IQGAP2: variants seen among roughly 807,000 people sequenced by gnomAD.
The protein encoded by IQGAP2 is IQ motif containing GTPase activating protein 2, also known as ras GTPase-activating-like protein IQGAP2.
In IQGAP2, 173 loss-of-function variants were observed where a neutral mutation model predicts 201.3. The ratio of observed to expected loss-of-function variants is 0.86; its 90% CI spans 0.76 to 0.98. IQGAP2 has a LOEUF of 0.98. Ranked by LOEUF, IQGAP2 falls within the 50% of genes least tolerant of loss-of-function variation. The pLI, the probability that IQGAP2 is intolerant of heterozygous loss-of-function variation, is 0.00. For missense variants in IQGAP2, 1,687 were observed against 1,864.8 expected (o/e 0.90, Z 1.76); for synonymous variants, 675 against 673.9 (o/e 1.00, Z -0.03).
At chr5:76,695,725 C>CTGCT in intron 32 of IQGAP2, 59 bp downstream of exon 32, 1 of 1,384,852 alleles carries the variant, frequency 7.2e-7, no homozygotes, top group Non-Finnish European at 1.0e-6. Flanking sequence ...AATCACCAGT[C>CTGCT]AAGTGCTGGG....
intron 30 of IQGAP2, among the ~76,000 whole-genome samples, chr5:76,692,690 A>G (rs1013997708): frequency 2.6e-5 from 4 of 152,218 alleles, no homozygotes; most frequent in South Asian, 2.1e-4. Context: ...AAGCTCTTCT[A>G]TTCTCTTCCA....
chr5:76,492,052 T>A (rs140642008), intron 2 of IQGAP2, among the ~76,000 whole-genome samples: 1 of 152,224 alleles, frequency 6.6e-6, no homozygotes, highest in African/African-American at 2.4e-5. Flanking sequence ...ACAGCCCTGT[T>A]CATGACCTTA....
At chr5:76,467,813 A>C (rs1210446232) in intron 2 of IQGAP2, among the ~76,000 whole-genome samples, 1 of 152,220 alleles carries the variant, frequency 6.6e-6, no homozygotes, top group Non-Finnish European at 1.5e-5. Context: ...TGAAGTACTG[A>C]TACATACTAC....
intron 35 of IQGAP2, among the ~76,000 whole-genome samples, chr5:76,703,633 C>G (rs1290141617): frequency 1.5e-5 from 2 of 135,052 alleles, no homozygotes; most frequent in Non-Finnish European, 3.1e-5. Flanking sequence ...AAATGAAAAC[C>G]GAGAAATCCA....
chr5:76,489,628 A>T (rs971098477), intron 2 of IQGAP2, among the ~76,000 whole-genome samples: 1 of 151,436 alleles, frequency 6.6e-6, no homozygotes, highest in Admixed American at 6.6e-5. Context: ...TGCCAGGCTA[A>T]CTCTTTTGGA....
chr5:76,534,059 T>C (rs1759484027), intron 2 of IQGAP2, among the ~76,000 whole-genome samples: 1 of 152,210 alleles, frequency 6.6e-6, no homozygotes, highest in African/African-American at 2.4e-5. Context: ...CCTTCTCCTA[T>C]ATATTCTTCT....
chr5:76,432,828 G>T (rs1752448647), intron 1 of IQGAP2, among the ~76,000 whole-genome samples: 1 of 152,176 alleles, frequency 6.6e-6, no homozygotes. Context: ...CTCTCTGTTT[G>T]CCCTTTCTGA....
intron 2 of IQGAP2, 29 bp downstream of exon 2, chr5:76,461,698 A>G (rs1210092345): frequency 6.7e-7 from 1 of 1,493,394 alleles, no homozygotes; most frequent in South Asian, 1.1e-5. Context: ...CTATTTGTGC[A>G]CCATCTCTTG....
At chr5:76,639,413 A>G (rs193113156) in intron 16 of IQGAP2, among the ~76,000 whole-genome samples, 167 of 152,334 alleles carry the variant, frequency 1.1e-3, no homozygotes, top group Non-Finnish European at 2.0e-3. Context: ...TTGGTGGCTT[A>G]AGAAATACAT....
chr5:76,564,439 G>C (rs1744597405), intron 3 of IQGAP2, among the ~76,000 whole-genome samples: 1 of 152,218 alleles, frequency 6.6e-6, no homozygotes, highest in Non-Finnish European at 1.5e-5. Flanking sequence ...TTCATGAACT[G>C]TGAGAATCAG....
chr5:76,452,058 C>G (rs1468338461), intron 1 of IQGAP2, among the ~76,000 whole-genome samples: 1 of 151,296 alleles, frequency 6.6e-6, no homozygotes, highest in African/African-American at 2.4e-5. Flanking sequence ...AATTTAATCT[C>G]TTGTTATTTC....
intron 2 of IQGAP2, among the ~76,000 whole-genome samples, chr5:76,463,369 G>C (rs1754598681): frequency 6.6e-6 from 1 of 152,096 alleles, no homozygotes; most frequent in Admixed American, 6.6e-5. Context: ...CAAGCAGCTT[G>C]ACCTTCCACA....
In IQGAP2 at chr5:76,698,579, GT is replaced by G. The variant is rs1307867673; in HGVS notation, c.4367+436del. 3.3e-5 allele frequency among the ~76,000 whole-genome samples: 5 copies of G among 152,160 alleles called. No homozygotes were observed. The East Asian group carries it at 9.6e-4, about 29-fold the overall frequency. ...CTGAATGTTTTTAAATTGCTTCATG[GT>G]TTTAAAAAATTATTGACACAACTGG... On this transcript the variant is annotated intron_variant, in intron 33 of 35. Coordinates refer to ENST00000274364, the MANE Select transcript of IQGAP2 (RefSeq NM_006633.5).
chr5:76,416,063 T>G (rs1751390394), intron 1 of IQGAP2, among the ~76,000 whole-genome samples: 1 of 152,228 alleles, frequency 6.6e-6, no homozygotes, highest in Middle Eastern at 3.2e-3. Context: ...GAGTGTTCTC[T>G]TGACTCACAA....
At chr5:76,706,069 G>A (rs1428284236) in intron 35 of IQGAP2, among the ~76,000 whole-genome samples, 1 of 152,158 alleles carries the variant, frequency 6.6e-6, no homozygotes, top group East Asian at 1.9e-4. Context: ...AAGAAGTGCG[G>A]ACCACCGCTT....
chr5:76,429,601 T>TATTTATATATATACATATATAA (rs1270759617), intron 1 of IQGAP2, among the ~76,000 whole-genome samples: 9 of 144,246 alleles, frequency 6.2e-5, no homozygotes, highest in African/African-American at 1.8e-4. Context: ...TATATATGTA[T>TATTTATATATATACATATATAA]ATTTATATAT....
At chr5:76,617,921 G>A in intron 13 of IQGAP2, 1 of 1,614,118 alleles carries the variant, frequency 6.2e-7, no homozygotes, top group East Asian at 2.2e-5. Context: ...AGGAGATGAA[G>A]TAATAGAGTT....
At chr5:76,417,577 G>C (rs939546988) in intron 1 of IQGAP2, among the ~76,000 whole-genome samples, 2 of 151,892 alleles carry the variant, frequency 1.3e-5, no homozygotes, top group African/African-American at 4.8e-5. Flanking sequence ...AAGCCACCGC[G>C]CCTGGCCTAT....
chr5:76,589,045 G>A (rs946171454), intron 6 of IQGAP2, 72 bp downstream of exon 6: 2 of 1,028,856 alleles, frequency 1.9e-6, no homozygotes, highest in Admixed American at 3.7e-5. Flanking sequence ...CGGGCGTGGT[G>A]GCTCATGCCT....
Sources: gnomAD v4.1 joint callset for allele counts (sites outside exome capture counted in the v4.1 genomes callset) on GRCh38, gnomAD v4.1.1 for gene constraint, MANE v1.5 for transcripts, NCBI Gene and HGNC (gene_info 2026-07-23, HGNC 2026-07-21) for gene names.